UGT1A5: variants seen among roughly 807,000 people sequenced by gnomAD.
The protein encoded by UGT1A5 is UDP-glucuronosyltransferase 1A5.
In UGT1A5, 29 loss-of-function variants were observed where a neutral mutation model predicts 40.3. The ratio of observed to expected loss-of-function variants is 0.72; its 90% CI spans 0.54 to 0.98. The LOEUF (loss-of-function observed/expected upper bound fraction) is 0.98, where lower values mean the gene tolerates loss of function less well. Among genes scored for constraint, UGT1A5 ranks in the 50% least tolerant of loss-of-function variants. The pLI is 0.00. For synonymous variants in UGT1A5, 257 were observed against 262.5 expected (o/e 0.98, Z 0.20); for missense variants, 678 against 677.9 (o/e 1.00, Z 0.00).
chr2:233,725,937 A>G (rs911094598), intron 1 of UGT1A5, among the ~76,000 whole-genome samples: 3 of 152,148 alleles, frequency 2.0e-5, no homozygotes. Flanking sequence ...AGACTGATGC[A>G]GGAGGATTGT....
chr2:233,757,312 G>T (rs1288195448), intron 1 of UGT1A5, among the ~76,000 whole-genome samples: 1 of 141,202 alleles, frequency 7.1e-6, no homozygotes, highest in Non-Finnish European at 1.5e-5. Flanking sequence ...GGACAGGGGG[G>T]CTGGGGCCCT....
Position 233,720,841 on chromosome 2 carries a change from G to A in UGT1A5, c.867+6983G>A, listed in dbSNP as rs529446200. 1.9e-4 allele frequency among the ~76,000 whole-genome samples: 29 copies of A among 151,182 alleles called. 2 individuals carry two copies. Among genetic ancestry groups the A allele is most frequent in the Middle Eastern group, 6.9e-3 (2 of 290 alleles). ...CCACCTCAGTCTCCTGAGTAACTGG[G>A]ACTGCAGGCATGTGCCACTGCTCCT... On this transcript the variant is annotated intron_variant, in intron 1 of 4. Coordinates refer to ENST00000373414, the MANE Select transcript of UGT1A5 (RefSeq NM_019078.2).
intron 1 of UGT1A5, among the ~76,000 whole-genome samples, chr2:233,744,706 AC>A (rs1231946729): frequency 1.3e-5 from 2 of 151,886 alleles, no homozygotes; most frequent in Non-Finnish European, 2.9e-5. Context: ...TCCACTGTAC[AC>A]TTGTGAGAGA....
intron 1 of UGT1A5, chr2:233,718,858 C>T: frequency 1.9e-6 from 3 of 1,613,692 alleles, no homozygotes; most frequent in African/African-American, 2.7e-5. Context: ...CCGCGGCTGG[C>T]CACAGGACTG....
chr2:233,721,950 T>C (rs1362850553), intron 1 of UGT1A5: 2 of 360,066 alleles, frequency 5.6e-6, no homozygotes, highest in Admixed American at 6.4e-5. Context: ...TTGGTGGCTC[T>C]TTGTATATGC....
chr2:233,718,647 A>G, intron 1 of UGT1A5: 1 of 1,497,740 alleles, frequency 6.7e-7, no homozygotes, highest in Non-Finnish European at 8.9e-7. Flanking sequence ...TTGGGCCCAT[A>G]ACGAAAGGCA....
At position 233,713,516 on chromosome 2, in the gene UGT1A5, C is replaced by A; in HGVS notation, c.525C>A (p.Asn175Lys). 1.2e-6 allele frequency: 2 copies of A among 1,613,934 alleles called. No individual in the cohort carries two copies. The highest frequency in any genetic ancestry group is 1.7e-6 in the Non-Finnish European group (2 of 1,179,870). Residue 175 changes from asparagine (N) to lysine (K), a missense_variant, in exon 1 of 5, where the codon AAC becomes AAA. Transcript: ENST00000373414. The part of the protein sequence containing the change: ...LSIPAVFFLR[N>K]IPCDLDFKGT... The stretch of plus-strand genomic sequence containing the variant: ...TTCCTGCTGTGTTTTTCTTGAGGAA[C>A]ATTCCATGTGATTTAGACTTTAAGG...
chr2:233,728,302 T>C (rs2077696881), intron 1 of UGT1A5, among the ~76,000 whole-genome samples: 1 of 152,178 alleles, frequency 6.6e-6, no homozygotes, highest in Non-Finnish European at 1.5e-5. Context: ...ATTCAGACTG[T>C]GCAAGATCTG....
At chr2:233,759,367 G>A (rs1697118309) in intron 1 of UGT1A5, among the ~76,000 whole-genome samples, 1 of 152,146 alleles carries the variant, frequency 6.6e-6, no homozygotes, top group Admixed American at 6.5e-5. Flanking sequence ...CTATAAAAAG[G>A]TACAGGTTTT....
At chr2:233,741,279 G>A (rs1389443810) in intron 1 of UGT1A5, among the ~76,000 whole-genome samples, 1 of 151,738 alleles carries the variant, frequency 6.6e-6, no homozygotes, top group Non-Finnish European at 1.5e-5. Flanking sequence ...TGAACAATGG[G>A]ATTTATGTAC....
At chr2:233,749,482 T>C (rs1349900601) in intron 1 of UGT1A5, among the ~76,000 whole-genome samples, 2 of 151,916 alleles carry the variant, frequency 1.3e-5, no homozygotes, top group Non-Finnish European at 2.9e-5. Flanking sequence ...CAGATCACTC[T>C]TGCTATGCCC....
chr2:233,728,977 G>T, intron 1 of UGT1A5: 2 of 1,494,572 alleles, frequency 1.3e-6, no homozygotes, highest in African/African-American at 2.8e-5. Context: ...ATAGATTAAT[G>T]GTTAATAATT....
intron 1 of UGT1A5, chr2:233,718,791 G>C: frequency 6.2e-7 from 1 of 1,613,144 alleles, no homozygotes; most frequent in Non-Finnish European, 8.5e-7. Context: ...GCGTGGGGTG[G>C]ACAGTCAGCT....
chr2:233,763,255 TTTGTC>T (rs2126002913), intron 1 of UGT1A5, among the ~76,000 whole-genome samples: 2 of 152,364 alleles, frequency 1.3e-5, no homozygotes, highest in Non-Finnish European at 2.9e-5. Context: ...AGTAACCTGT[TTTGTC>T]TTGTTGCATG....
At chr2:233,764,907 A>G (rs1698684591) in intron 1 of UGT1A5, among the ~76,000 whole-genome samples, 1 of 152,198 alleles carries the variant, frequency 6.6e-6, no homozygotes, top group Non-Finnish European at 1.5e-5. Flanking sequence ...TAAGAGCCAG[A>G]GGACTCACGA....
intron 1 of UGT1A5, chr2:233,719,408 G>C (rs762624701): frequency 6.2e-7 from 1 of 1,613,826 alleles, no homozygotes. Flanking sequence ...ATATTCCTAA[G>C]TTACTAACGA....
chr2:233,772,331 C>T lies in UGT1A5; in HGVS notation c.1377C>T (p.Ala459=), dbSNP rs755348390. 16 of 1,614,018 alleles carry T rather than the reference C, an allele frequency of 9.9e-6. No homozygotes were observed. The highest frequency in any genetic ancestry group is 5.0e-5 in the Admixed American group (3 of 59,996). The change falls in exon 5 of 5, where the codon GCC becomes GCT. Residue 459 remains alanine (A), a synonymous_variant. Coordinates refer to ENST00000373414, the MANE Select transcript of UGT1A5 (RefSeq NM_019078.2). ...KDRPVEPLDL[A]VFWVEFVMRH... is the part of the protein sequence containing the mutation. ...GCCCGGTGGAGCCGCTGGACCTGGC[C>T]GTGTTCTGGGTGGAGTTTGTGATGA...
intron 1 of UGT1A5, chr2:233,742,966 C>G: frequency 4.5e-6 from 1 of 219,782 alleles, no homozygotes; most frequent in Non-Finnish European, 9.2e-6. Context: ...TTGTCTGCCT[C>G]AGGCTTAAGT....
intron 1 of UGT1A5, chr2:233,719,187 G>A (rs747678615): frequency 1.3e-5 from 21 of 1,614,050 alleles, no homozygotes; most frequent in Admixed American, 1.0e-4. Flanking sequence ...TGTATCTTTG[G>A]CCCTTCATAG....
Sources: gnomAD v4.1 joint callset for allele counts (sites outside exome capture counted in the v4.1 genomes callset) on GRCh38, gnomAD v4.1.1 for gene constraint, MANE v1.5 for transcripts, NCBI Gene and HGNC (gene_info 2026-07-23, HGNC 2026-07-21) for gene names.